PRDM9: variants seen among roughly 807,000 people sequenced by gnomAD.
PRDM9 encodes the protein histone-lysine N-methyltransferase PRDM9.
PRDM9 carries 47 observed loss-of-function variants against 55.6 expected under a neutral mutation model. The ratio of observed to expected loss-of-function variants is 0.85; its 90% CI spans 0.67 to 1.08. PRDM9 has a LOEUF of 1.08. Among genes scored for constraint, PRDM9 ranks in the 50% least tolerant of loss-of-function variants. PRDM9 has a pLI of 0.00. For synonymous variants in PRDM9, 312 were observed against 375.7 expected (o/e 0.83, Z 1.96); for missense variants, 867 against 1,040.3 (o/e 0.83, Z 2.29).
At position 23,522,867 on chromosome 5, in the gene PRDM9, C is replaced by T. The variant is rs1561020860; in HGVS notation, c.864C>T (p.Asn288=). The T allele has an allele frequency of 6.2e-7, 1 of 1,614,254 alleles. No homozygotes were observed. The highest frequency in any genetic ancestry group is 8.5e-7 in the Non-Finnish European group (1 of 1,180,040). The change falls in exon 8 of 11, where the codon AAC becomes AAT. Residue 288 remains asparagine, a synonymous_variant. Coordinates refer to ENST00000296682, the MANE Select transcript of PRDM9 (RefSeq NM_020227.4). Reference sequence around the variant, plus strand: ...TTACAGAAGACGAAGAGGCAGCCAACAATGGATACTCCTGGCTGGTAAGAA... The same window carrying T: ...TTACAGAAGACGAAGAGGCAGCCAATAATGGATACTCCTGGCTGGTAAGAA... The part of the protein sequence containing the change: ...GRITEDEEAA[N]NGYSWLITKG...
chr5:23,509,513 A>T lies in PRDM9; in HGVS notation c.113A>T (p.Glu38Val), dbSNP rs753167841. ...FKDISIYFTK[E>V]EWAEMGDWEK... ...GACATTTCCATATACTTCACCAAGG[A>T]AGAATGGGCAGAGATGGGAGACTGG... Residue 38 changes from glutamate (E) to valine (V), a missense_variant, in exon 3 of 11, where the codon GAA (glutamate) becomes GTA (valine). Glu to Val is a moderately radical substitution (Grantham distance 121). Around this residue, in one of 5 missense-constraint regions of PRDM9, gnomAD observed 662 missense variants for 711.9 expected, o/e 0.93. Transcript: ENST00000296682. 1 of 1,614,198 alleles carries T rather than the reference A, an allele frequency of 6.2e-7. No individual in the cohort carries two copies. The highest frequency in any genetic ancestry group is 8.5e-7 in the Non-Finnish European group (1 of 1,180,040).
intron 4 of PRDM9, among the ~76,000 whole-genome samples, chr5:23,512,537 G>A (rs547417310): frequency 4.6e-5 from 7 of 152,114 alleles, no homozygotes; most frequent in South Asian, 2.1e-4. Context: ...GCTCTTTAGC[G>A]GGAATCTATC....
intron 8 of PRDM9, 101 bp from the exon 9 acceptor site, chr5:23,523,190 G>A: frequency 7.3e-7 from 1 of 1,378,968 alleles, no homozygotes; most frequent in Non-Finnish European, 1.0e-6. Flanking sequence ...ATTGGCAGCT[G>A]AAGCTATGCA....
At chr5:23,512,278 A>G (rs963064091) in intron 4 of PRDM9, among the ~76,000 whole-genome samples, 1 of 152,202 alleles carries the variant, frequency 6.6e-6, no homozygotes, top group Non-Finnish European at 1.5e-5. Context: ...CAGAGACAGC[A>G]TCAGGTAAAT....
At chr5:23,513,186 A>AT (rs748519180) in intron 4 of PRDM9, among the ~76,000 whole-genome samples, 1 of 152,090 alleles carries the variant, frequency 6.6e-6, no homozygotes, top group Non-Finnish European at 1.5e-5. Flanking sequence ...TCTGGTTTTA[A>AT]TTTTTTGTGG....
At chr5:23,513,564 C>G (rs999900805) in intron 4 of PRDM9, among the ~76,000 whole-genome samples, 2 of 152,026 alleles carry the variant, frequency 1.3e-5, no homozygotes, top group Non-Finnish European at 2.9e-5. Context: ...GAACCACAAG[C>G]CAAATAATTC....
At chr5:23,526,122 T>C in intron 10 of PRDM9, 111 bp from the exon 11 acceptor site, 1 of 1,307,214 alleles carries the variant, frequency 7.6e-7, no homozygotes, top group South Asian at 1.2e-5. Flanking sequence ...GGGAAAGAGC[T>C]TGCATTGTTA....
intron 4 of PRDM9, among the ~76,000 whole-genome samples, chr5:23,513,111 C>A (rs1561017534): frequency 6.6e-6 from 1 of 152,212 alleles, no homozygotes; most frequent in East Asian, 1.9e-4. Context: ...TCTTTGAGAT[C>A]CTGTTTTTAA....
At chr5:23,517,843 T>A in intron 4 of PRDM9, 38 bp from the exon 5 acceptor site, 1 of 1,521,968 alleles carries the variant, frequency 6.6e-7, no homozygotes, top group Non-Finnish European at 9.1e-7. Context: ...TTTGGAAACA[T>A]TTACCAACCA....
intron 5 of PRDM9, among the ~76,000 whole-genome samples, chr5:23,518,947 A>G (rs867173172): frequency 2.0e-5 from 3 of 152,242 alleles, no homozygotes; most frequent in African/African-American, 7.2e-5. Context: ...TTTATGAATT[A>G]AACTATAAGT....
rs1158635267 is a variant in PRDM9 at position 23,526,600 on chromosome 5, G to T, written c.1512G>T (p.Val504=). 1.2e-6 allele frequency: 2 copies of T among 1,614,226 alleles called. No homozygotes were observed. Among genetic ancestry groups the T allele is most frequent in the Non-Finnish European group, 1.7e-6 (2 of 1,180,044 alleles). Residue 504 remains valine (V), a synonymous_variant, in exon 11 of 11, where the codon GTG becomes GTT. Coordinates refer to ENST00000296682, the MANE Select transcript of PRDM9 (RefSeq NM_020227.4). ...MEEESRTGQK[V]NPGNTGKLFV... The stretch of plus-strand genomic sequence containing the variant: ...AAGAGTCCAGAACAGGCCAGAAAGT[G>T]AATCCAGGGAACACAGGCAAATTAT...
Position 23,526,487 on chromosome 5 carries a change from A to G in PRDM9, c.1399A>G (p.Thr467Ala). ...AAGGTCCAAACTCTTGAATAAAAGG[A>G]CATGGCAGAGGGAGATTTCAAGGGC... ...KERSKLLNKR[T>A]WQREISRAFS... The change falls in exon 11 of 11, where the codon ACA (threonine) becomes GCA (alanine). Residue 467 changes from threonine to alanine, a missense_variant. Thr to Ala is a moderately conservative substitution (Grantham distance 58, BLOSUM62 0). This residue lies in a region of PRDM9 where 662 missense variants were observed against 711.9 expected (regional missense o/e 0.93). Transcript: ENST00000296682. 6.2e-7 allele frequency: 1 copy of G among 1,614,080 alleles called. No individual in the cohort carries two copies. Among genetic ancestry groups the G allele is most frequent in the Non-Finnish European group, 8.5e-7 (1 of 1,179,968 alleles).
chr5:23,524,412 C>T lies in PRDM9; in HGVS notation c.1029C>T (p.Thr343=), dbSNP rs1268422518. ...ACCACAGGCAGATCTTCTATAGAAC[C>T]TGCCGAGTCATTAGGCCAGGCTGTG... ...FQYHRQIFYR[T]CRVIRPGCEL... The change falls in exon 10 of 11, where the codon ACC becomes ACT. Residue 343 remains threonine, a synonymous_variant. Coordinates refer to ENST00000296682, the MANE Select transcript of PRDM9 (RefSeq NM_020227.4). 1.2e-6 allele frequency: 2 copies of T among 1,613,880 alleles called. No homozygotes were observed. The highest frequency in any genetic ancestry group is 3.3e-5 in the Admixed American group (2 of 59,992).
chr5:23,515,398 G>A (rs1197703890), intron 4 of PRDM9, among the ~76,000 whole-genome samples: 2 of 152,160 alleles, frequency 1.3e-5, no homozygotes, highest in Non-Finnish European at 2.9e-5. Context: ...ATGTGCCACT[G>A]CACTCAGCAA....
intron 4 of PRDM9, among the ~76,000 whole-genome samples, chr5:23,513,061 T>C (rs1739131970): frequency 6.6e-6 from 1 of 152,202 alleles, no homozygotes; most frequent in Admixed American, 6.5e-5. Flanking sequence ...CTCTTGTCTA[T>C]TGTGAGTAAT....
intron 10 of PRDM9, among the ~76,000 whole-genome samples, chr5:23,525,106 T>A (rs748620588): frequency 3.3e-5 from 5 of 152,208 alleles, no homozygotes; most frequent in Non-Finnish European, 5.9e-5. Context: ...TACCTGGGGA[T>A]CCGTGTGAGG....
intron 8 of PRDM9, among the ~76,000 whole-genome samples, 166 bp from the exon 9 acceptor site, chr5:23,523,125 A>G (rs1463216709): frequency 2.6e-5 from 4 of 152,178 alleles, no homozygotes. Context: ...TGATTGGACA[A>G]ACCAACTCAG....
chr5:23,524,652 C>A, intron 10 of PRDM9, 125 bp downstream of exon 10: 1 of 1,370,712 alleles, frequency 7.3e-7, no homozygotes, highest in Non-Finnish European at 1.0e-6. Context: ...AAATCAGTGG[C>A]TTCCAAAATT....
In PRDM9 at chr5:23,522,774, G is replaced by A; in HGVS notation, c.771G>A (p.Gly257=). 6.2e-7 allele frequency: 1 copy of A among 1,614,218 alleles called. No homozygotes were observed. The highest frequency in any genetic ancestry group is 1.3e-5 in the African/African-American group (1 of 75,076). The part of the protein sequence containing the change: ...RIGPSGIPQA[G]LGVWNEASDL... ...GGCCATCAGGCATCCCTCAGGCTGG[G>A]CTTGGAGTATGGAATGAGGCATCTG... The change falls in exon 8 of 11, where the codon GGG becomes GGA. Residue 257 remains glycine, a synonymous_variant. Transcript: ENST00000296682.
Sources: allele counts gnomAD v4.1 joint callset (sites outside exome capture counted in the v4.1 genomes callset), GRCh38; gene constraint gnomAD v4.1.1; regional missense constraint gnomAD v4.1.1; transcripts MANE v1.5; gene names NCBI Gene and HGNC (gene_info 2026-07-23, HGNC 2026-07-21).